Variants in EMP2 observed in about 807,000 individuals in gnomAD.
The protein encoded by EMP2 is epithelial membrane protein 2.
In EMP2, 19 loss-of-function variants were observed where a neutral mutation model predicts 13.7. That is an observed-to-expected ratio of 1.38 (90% CI 0.97 to 2.03). EMP2 has a LOEUF of 2.03. Ranked by LOEUF, EMP2 falls within the 30% of genes most tolerant of loss-of-function variation. The pLI is 0.00. For missense variants in EMP2, 253 were observed against 220.7 expected (o/e 1.15, Z -0.93); for synonymous variants, 97 against 84.7 (o/e 1.15, Z -0.80).
intron 1 of EMP2, among the ~76,000 whole-genome samples, chr16:10,573,815 TTC>T (rs1200342956): frequency 6.6e-6 from 1 of 152,176 alleles, no homozygotes; most frequent in African/African-American, 2.4e-5. Context: ...CAACAAGAAT[TTC>T]TGTTTATGTT....
intron 1 of EMP2, among the ~76,000 whole-genome samples, chr16:10,579,494 A>T (rs1342155790): frequency 6.6e-6 from 1 of 152,112 alleles, no homozygotes; most frequent in East Asian, 1.9e-4. Flanking sequence ...AAACTTTTTC[A>T]TCCTCCCCAA....
chr16:10,530,805 C>G lies in EMP2; in HGVS notation c.*2100G>C, dbSNP rs1454090753. ...ACTGTCGGGACCATGGGCCCCTCCA[C>G]AGACATGTTTTCTGGGTGTTACACA... On this transcript the variant is annotated 3_prime_UTR_variant, in exon 5 of 5. Coordinates refer to ENST00000359543, the MANE Select transcript of EMP2 (RefSeq NM_001424.6). 6.6e-6 allele frequency: 1 copy of G among 152,200 alleles called. No individual in the cohort carries two copies. Among genetic ancestry groups the G allele is most frequent in the African/African-American group, 2.4e-5 (1 of 41,444 alleles). 9.4% of individuals were successfully genotyped at this position (152,200 alleles called of 1,614,324 possible). A position where few individuals can be genotyped will look rare whatever the true frequency, so the allele number is the denominator to read the frequency against.
At chr16:10,558,191 G>A (rs181668159) in intron 1 of EMP2, among the ~76,000 whole-genome samples, 46 of 152,100 alleles carry the variant, frequency 3.0e-4, no homozygotes, top group African/African-American at 1.0e-3. Context: ...CACCATGCCC[G>A]TCTAATTTTA....
At chr16:10,563,874 T>G (rs537175614) in intron 1 of EMP2, among the ~76,000 whole-genome samples, 67 of 152,370 alleles carry the variant, frequency 4.4e-4, no homozygotes, top group African/African-American at 1.6e-3. Flanking sequence ...TAGCAAATGC[T>G]ATGAAGTGTT....
At chr16:10,575,965 C>T (rs1015539574) in intron 1 of EMP2, among the ~76,000 whole-genome samples, 7 of 152,078 alleles carry the variant, frequency 4.6e-5, no homozygotes, top group Non-Finnish European at 7.4e-5. Flanking sequence ...AAGTGTGACA[C>T]GTCCATCCCA....
chr16:10,543,997 C>T (rs1050478588), intron 2 of EMP2, among the ~76,000 whole-genome samples: 4 of 151,880 alleles, frequency 2.6e-5, no homozygotes. Flanking sequence ...GTATCTGGGA[C>T]TACAGGTGCA....
At position 10,532,915 on chromosome 16, in the gene EMP2, T is replaced by C; in HGVS notation, c.494A>G (p.Lys165Arg). 6.5e-7 allele frequency: 1 copy of C among 1,541,586 alleles called. No individual in the cohort carries two copies. The highest frequency in any genetic ancestry group is 1.3e-5 in the South Asian group (1 of 78,438). The change falls in exon 5 of 5, where the codon AAG (lysine) becomes AGG (arginine). Residue 165 changes from lysine (K) to arginine (R), a missense_variant. Lys to Arg is a conservative substitution (Grantham distance 26). Transcript: ENST00000359543. ...ISGMMYLILR[K>R]RK ...CCCAGCTCCGGAACTCTATTTGCGC[T>C]TCCTCAGTATCAGGTACATCATGCC... is the stretch of plus-strand genomic sequence containing the variant.
intron 1 of EMP2, among the ~76,000 whole-genome samples, chr16:10,559,964 C>T (rs943763755): frequency 4.6e-5 from 7 of 152,160 alleles, no homozygotes; most frequent in African/African-American, 7.2e-5. Context: ...CGTGAGCCAC[C>T]GTGCCCAGCA....
chr16:10,565,840 G>A (rs1167644930), intron 1 of EMP2, among the ~76,000 whole-genome samples: 1 of 152,210 alleles, frequency 6.6e-6, no homozygotes, highest in African/African-American at 2.4e-5. Flanking sequence ...GGGGCTATGA[G>A]GTGGCCATGC....
chr16:10,567,112 A>G (rs187521161), intron 1 of EMP2, among the ~76,000 whole-genome samples: 1 of 151,086 alleles, frequency 6.6e-6, no homozygotes, highest in Non-Finnish European at 1.5e-5. Context: ...ACTAAACATT[A>G]TCTGCCATTT....
chr16:10,534,634 T>C (rs2050633424), intron 4 of EMP2, among the ~76,000 whole-genome samples: 1 of 152,148 alleles, frequency 6.6e-6, no homozygotes, highest in Non-Finnish European at 1.5e-5. Context: ...GGTGTGATGG[T>C]GCACACCTGT....
chr16:10,564,995 AAC>A (rs1238777491), intron 1 of EMP2, among the ~76,000 whole-genome samples: 1 of 152,224 alleles, frequency 6.6e-6, no homozygotes, highest in Non-Finnish European at 1.5e-5. Context: ...ATGAAAACAA[AAC>A]ATTGTTATTA....
intron 4 of EMP2, 109 bp from the exon 5 acceptor site, chr16:10,533,201 GT>G: frequency 9.3e-7 from 1 of 1,074,918 alleles, no homozygotes; most frequent in Non-Finnish European, 1.2e-6. Flanking sequence ...TTTATTCTTT[GT>G]TTATTATTAT....
chr16:10,558,106 G>A (rs1023359804), intron 1 of EMP2, among the ~76,000 whole-genome samples: 32 of 150,820 alleles, frequency 2.1e-4, no homozygotes, highest in South Asian at 6.3e-4. Context: ...CATTGCTCAC[G>A]GCAACCTCGA....
At chr16:10,563,706 T>G (rs564930677) in intron 1 of EMP2, among the ~76,000 whole-genome samples, 1 of 152,248 alleles carries the variant, frequency 6.6e-6, no homozygotes, top group African/African-American at 2.4e-5. Flanking sequence ...TGAAATGAGG[T>G]AAGAGCACAG....
rs1204127632 is a variant in EMP2 at position 10,580,137 on chromosome 16, C to T, written c.-61+412G>A. 6.6e-6 allele frequency among the ~76,000 whole-genome samples: 1 copy of T among 152,168 alleles called. No homozygotes were observed. Among genetic ancestry groups the T allele is most frequent in the Non-Finnish European group, 1.5e-5 (1 of 68,006 alleles). On this transcript the variant is annotated intron_variant, in intron 1 of 4. Transcript: ENST00000359543. The surrounding 1 kb of genome is among the most constrained non-coding windows in gnomAD (Gnocchi z 4.3). ...GGGGTACGCAGCCCAGGAGGACCCG[C>T]TGGCCCGGCCTGGCGCACCAGTCCT...
intron 1 of EMP2, among the ~76,000 whole-genome samples, chr16:10,556,947 T>C (rs1420886518): frequency 6.6e-6 from 1 of 152,216 alleles, no homozygotes; most frequent in African/African-American, 2.4e-5. Flanking sequence ...ATCATCTTTG[T>C]GTCCACTGAG....
Position 10,530,406 on chromosome 16 carries a change from G to C in EMP2, c.*2499C>G, listed in dbSNP as rs1444156232. 1 of 152,594 alleles carries C rather than the reference G, an allele frequency of 6.6e-6. No homozygotes were observed. The allele number at this position is 152,594 out of a possible 1,614,324, so 9.5% of individuals were successfully genotyped here. ...ACTACTCAAACCAGATGTCTCTTCA[G>C]CTCCACTGGAACTGAGCTGATGGCA... On this transcript the variant is annotated 3_prime_UTR_variant, in exon 5 of 5. Transcript: ENST00000359543.
At position 10,547,497 on chromosome 16, in the gene EMP2, C is replaced by G. The variant is rs368259432; in HGVS notation, c.78+43G>C. On this transcript the variant is annotated intron_variant, in intron 2 of 4. Coordinates refer to ENST00000359543, the MANE Select transcript of EMP2 (RefSeq NM_001424.6). ...CAATACAACCCACTTCTATTGACTG[C>G]AGGACCCAGGTTTCTGCGTGAGTGG... 1.9e-6 allele frequency: 3 copies of G among 1,603,726 alleles called. No individual in the cohort carries two copies. In the African/African-American group the frequency reaches 4.0e-5, roughly 21 times the overall value.
Sources: gnomAD v4.1 joint callset for allele counts (sites outside exome capture counted in the v4.1 genomes callset) on GRCh38, gnomAD v4.1.1 for gene constraint, Gnocchi (gnomAD v3.1) non-coding constraint, MANE v1.5 for transcripts, NCBI Gene and HGNC (gene_info 2026-07-23, HGNC 2026-07-21) for gene names.